The following TRIM69 variants were observed in gnomAD, a reference collection of about 807,000 sequenced individuals.
TRIM69 encodes the protein tripartite motif containing 69.
TRIM69 carries 29 observed loss-of-function variants against 37.7 expected under a neutral mutation model. That is an observed-to-expected ratio of 0.77 (90% CI 0.57 to 1.05). TRIM69 has a LOEUF of 1.05. Ranked by LOEUF, TRIM69 falls within the 50% of genes least tolerant of loss-of-function variation. The probability of loss-of-function intolerance (pLI) is 0.00; values close to 1 mark genes in which losing one functional copy is unlikely to be tolerated. For synonymous variants in TRIM69, 209 were observed against 212.4 expected (o/e 0.98, Z 0.14); for missense variants, 596 against 579.9 (o/e 1.03, Z -0.28).
intron 1 of TRIM69, among the ~76,000 whole-genome samples, chr15:44,741,208 G>A (rs941450828): frequency 2.6e-5 from 4 of 152,176 alleles, no homozygotes; most frequent in Non-Finnish European, 4.4e-5. Context: ...ACCTGCTCCT[G>A]AATGACTACT....
intron 4 of TRIM69, 34 bp from the exon 5 acceptor site, chr15:44,759,606 G>T: frequency 6.2e-7 from 1 of 1,609,762 alleles, no homozygotes; most frequent in Non-Finnish European, 8.5e-7. Context: ...TTGATGAACG[G>T]GCATCTGATG....
chr15:44,759,659 A>G lies in TRIM69; in HGVS notation c.833A>G (p.His278Arg). 1 of 1,614,090 alleles carries G rather than the reference A, an allele frequency of 6.2e-7. No homozygotes were observed. Among genetic ancestry groups the G allele is most frequent in the East Asian group, 2.2e-5 (1 of 44,882 alleles). Reference sequence around the variant, plus strand: ...TTCTAGGACATCACAACTCTCTTACATAGGTAAGTGTTTCCCTATGGTACT... The same window carrying G: ...TTCTAGGACATCACAACTCTCTTACGTAGGTAAGTGTTTCCCTATGGTACT... The part of the protein sequence containing the change: ...DFLKDITTLL[H>R]SLEQGMKVLA... The change falls in exon 5 of 7, where the codon CAT becomes CGT. Residue 278 changes from histidine (H) to arginine (R), a missense_variant. Physicochemically the swap from His to Arg is conservative, Grantham distance 29. Coordinates refer to ENST00000329464, the MANE Select transcript of TRIM69 (RefSeq NM_182985.5).
rs987294273 is a variant in TRIM69 at position 44,739,400 on chromosome 15, C to T, written c.6+2690C>T. Reference sequence around the variant, plus strand: ...GCGCAGGACAGTGGGTGCAGCGCACCGTGCGTGAGCCGAAGCAGGGCGAGG... The same window carrying T: ...GCGCAGGACAGTGGGTGCAGCGCACTGTGCGTGAGCCGAAGCAGGGCGAGG... On this transcript the variant is annotated intron_variant, in intron 1 of 6. Transcript: ENST00000329464. Among the ~76,000 whole-genome samples, 15 of 152,310 alleles carry T rather than the reference C, an allele frequency of 9.8e-5. No homozygotes were observed. In the East Asian group the frequency reaches 1.7e-3, roughly 18 times the overall value.
At chr15:44,754,017 C>A (rs1473149055) in intron 1 of TRIM69, 1 of 151,974 alleles carries the variant, frequency 6.6e-6, no homozygotes, top group Non-Finnish European at 1.5e-5. Flanking sequence ...TGCCCGGCTG[C>A]TTCAAACATT....
intron 6 of TRIM69, 142 bp from the exon 7 acceptor site, chr15:44,767,089 A>G (rs868588333): frequency 2.8e-5 from 12 of 430,042 alleles, no homozygotes; most frequent in African/African-American, 1.4e-4. Flanking sequence ...AAAAAAGCAT[A>G]TAAGTAATTG....
chr15:44,743,300 T>C (rs2087332937), intron 1 of TRIM69, among the ~76,000 whole-genome samples: 1 of 152,150 alleles, frequency 6.6e-6, no homozygotes, highest in Non-Finnish European at 1.5e-5. Flanking sequence ...CTACACCTTA[T>C]ACAAAAATTA....
chr15:44,757,508 T>C (rs2087676727), intron 3 of TRIM69: 1 of 152,074 alleles, frequency 6.6e-6, no homozygotes, highest in African/African-American at 2.4e-5. Context: ...GTTCTAGGAA[T>C]AGAAAAGAGT....
intron 1 of TRIM69, among the ~76,000 whole-genome samples, chr15:44,748,907 G>T (rs1188513336): frequency 2.0e-5 from 3 of 151,030 alleles, no homozygotes; most frequent in African/African-American, 7.3e-5. Flanking sequence ...TTGAGATAGG[G>T]TCTTACTTTG....
Position 44,756,422 on chromosome 15 carries a change from A to G in TRIM69, c.538A>G (p.Thr180Ala). The G allele has an allele frequency of 6.4e-7, 1 of 1,551,250 alleles. No homozygotes were observed. The highest frequency in any genetic ancestry group is 8.7e-7 in the Non-Finnish European group (1 of 1,146,900). The change falls in exon 3 of 7, where the codon ACC (threonine) becomes GCC (alanine). Residue 180 changes from threonine (T) to alanine (A), a missense_variant. Thr to Ala is a moderately conservative substitution (Grantham distance 58). Transcript: ENST00000329464. The part of the protein sequence containing the change: ...QLETTLKELQ[T>A]LRNMQKEAIA... ...GGAGACAACTCTGAAGGAGCTTCAG[A>G]CCCTGAGGAACATGCAGAAGGAAGC... is the stretch of plus-strand genomic sequence containing the variant.
chr15:44,767,747 C>T lies in TRIM69; in HGVS notation c.1478C>T (p.Pro493Leu). ...CLNDGGENKEPLHILHPQ is the reference protein window; with the variant it reads ...CLNDGGENKELLHILHPQ The stretch of plus-strand genomic sequence containing the variant: ...AATGATGGTGGAGAGAATAAAGAAC[C>T]ATTGCACATCTTACATCCACAGTAA... The change falls in exon 7 of 7, where the codon CCA (proline) becomes CTA (leucine). Residue 493 changes from proline (P) to leucine (L), a missense_variant. Pro to Leu is a moderately conservative substitution (Grantham distance 98). Coordinates refer to ENST00000329464, the MANE Select transcript of TRIM69 (RefSeq NM_182985.5). 6.2e-7 allele frequency: 1 copy of T among 1,612,734 alleles called. No homozygotes were observed. Among genetic ancestry groups the T allele is most frequent in the Admixed American group, 1.7e-5 (1 of 59,986 alleles).
intron 6 of TRIM69, 145 bp from the exon 7 acceptor site, chr15:44,767,086 C>CAAAAAAAAAAAAAAAAAAAAAAAAA (rs1268697561): frequency 1.4e-5 from 1 of 72,260 alleles, no homozygotes. Context: ...AAAAAAAAAG[C>CAAAAAAAAAAAAAAAAAAAAAAAAA]ATATAAGTAA....
At chr15:44,756,095 T>C (rs2087639545) in intron 2 of TRIM69, among the ~76,000 whole-genome samples, 1 of 152,178 alleles carries the variant, frequency 6.6e-6, no homozygotes, top group Non-Finnish European at 1.5e-5. Context: ...TCTCACTATG[T>C]TGCCCAGGCT....
chr15:44,759,982 G>A, intron 6 of TRIM69, 110 bp downstream of exon 6: 5 of 1,312,598 alleles, frequency 3.8e-6, no homozygotes, highest in South Asian at 1.5e-5. Flanking sequence ...TAGGGAAGGG[G>A]TACAGTTTGG....
In TRIM69 at chr15:44,749,031, A is replaced by G. The variant is rs201225004; in HGVS notation, c.7-5869A>G. On this transcript the variant is annotated intron_variant, in intron 1 of 6. Coordinates refer to ENST00000329464, the MANE Select transcript of TRIM69 (RefSeq NM_182985.5). ...GAGTAGCCGGGATTACAGGCACGTG[A>G]CACCACACCCAGTTTTTGTTTTTGT... 3.3e-5 allele frequency among the ~76,000 whole-genome samples: 5 copies of G among 151,676 alleles called. No homozygotes were observed. The East Asian group carries it at 9.9e-4, about 30-fold the overall frequency.
rs1423231703 is a variant in TRIM69, at chr15:44,767,615, A to C, written c.1346A>C (p.Tyr449Ser). Residue 449 changes from tyrosine to serine, a missense_variant, in exon 7 of 7, where the codon TAT (tyrosine) becomes TCT (serine). Coordinates refer to ENST00000329464, the MANE Select transcript of TRIM69 (RefSeq NM_182985.5). ...GACAAGGTGGGCATATACCTGGATT[A>C]TGAAGGAGGACAGTTGTCCTTCTAC... is the stretch of plus-strand genomic sequence containing the variant. ...NLDKVGIYLD[Y>S]EGGQLSFYNA... 4 of 1,614,218 alleles carry C rather than the reference A, an allele frequency of 2.5e-6. No homozygotes were observed. The East Asian group carries it at 8.9e-5, about 36-fold the overall frequency.
chr15:44,755,357 A>G lies in TRIM69; in HGVS notation c.464A>G (p.Asp155Gly), dbSNP rs768235538. ...TCTAAGGAGTTCCTGCAAATCTCTGATGCTGTCCATTTCTTCACGGTGGGT... is the reference window on the plus strand; with the variant it reads ...TCTAAGGAGTTCCTGCAAATCTCTGGTGCTGTCCATTTCTTCACGGTGGGT... ...GQSKEFLQISDAVHFFTEELA... is the reference protein window; with the variant it reads ...GQSKEFLQISGAVHFFTEELA... Residue 155 changes from aspartate (D) to glycine (G), a missense_variant, in exon 2 of 7, where the codon GAT becomes GGT. Asp to Gly is a moderately conservative substitution (Grantham distance 94). Coordinates refer to ENST00000329464, the MANE Select transcript of TRIM69 (RefSeq NM_182985.5). The G allele has an allele frequency of 6.2e-7, 1 of 1,613,242 alleles. No homozygotes were observed. Among genetic ancestry groups the G allele is most frequent in the South Asian group, 1.1e-5 (1 of 91,056 alleles).
intron 1 of TRIM69, among the ~76,000 whole-genome samples, chr15:44,737,318 T>C (rs1486818129): frequency 6.6e-6 from 1 of 152,202 alleles, no homozygotes; most frequent in Non-Finnish European, 1.5e-5. Flanking sequence ...AATTTCATTA[T>C]ATTAATCATT....
rs763528011 is a variant in TRIM69, at chr15:44,767,775, A to G, written c.*3A>G. 1.1e-5 allele frequency: 17 copies of G among 1,605,670 alleles called. No individual in the cohort carries two copies. The South Asian group carries it at 1.8e-4, about 17-fold the overall frequency. Reference sequence around the variant, plus strand: ...TGCACATCTTACATCCACAGTAATGAGTCATAATATTATACAAATTCAGAG... The same window carrying G: ...TGCACATCTTACATCCACAGTAATGGGTCATAATATTATACAAATTCAGAG... On this transcript the variant is annotated 3_prime_UTR_variant, in exon 7 of 7. Coordinates refer to ENST00000329464, the MANE Select transcript of TRIM69 (RefSeq NM_182985.5).
intron 6 of TRIM69, among the ~76,000 whole-genome samples, chr15:44,765,868 T>C (rs1394648157): frequency 2.0e-5 from 3 of 152,218 alleles, no homozygotes; most frequent in Non-Finnish European, 4.4e-5. Flanking sequence ...CATGCATACA[T>C]GTATCTGTGT....
Sources: allele counts gnomAD v4.1 joint callset (sites outside exome capture counted in the v4.1 genomes callset), GRCh38; gene constraint gnomAD v4.1.1; transcripts MANE v1.5; gene names NCBI Gene and HGNC (gene_info 2026-07-23, HGNC 2026-07-21).